Variants in DDX10 observed in about 807,000 individuals in gnomAD.
DDX10 encodes the protein DEAD-box helicase 10.
A neutral mutation model predicts 104.3 loss-of-function variants in DDX10; 74 were observed. The ratio of observed to expected loss-of-function variants is 0.71; its 90% CI spans 0.59 to 0.86. The LOEUF is 0.86. Among genes scored for constraint, DDX10 ranks in the 40% least tolerant of loss-of-function variants. DDX10 has a pLI of 0.00. For missense variants in DDX10, 952 were observed against 1,040.0 expected (o/e 0.92, Z 1.16); for synonymous variants, 351 against 353.4 (o/e 0.99, Z 0.08).
chr11:108,665,267 G>A lies in DDX10; in HGVS notation c.114G>A (p.Arg38=), dbSNP rs142359903. The A allele has an allele frequency of 7.3e-5, 118 of 1,609,782 alleles. No homozygotes were observed. In the African/African-American group the frequency reaches 1.1e-3, roughly 15 times the overall value. ...SHRQNKKKQL[R]KQLKKPEWQV... ...GGCAGAACAAAAAGAAGCAGTTGAG[G>A]AAGCAACTGAAGAAACCCGAATGGC... is the stretch of plus-strand genomic sequence containing the variant. The change falls in exon 1 of 18, where the codon AGG becomes AGA. Residue 38 remains arginine, a synonymous_variant. Transcript: ENST00000322536.
chr11:108,765,220 A>G (rs910393753), intron 13 of DDX10, among the ~76,000 whole-genome samples: 1 of 152,162 alleles, frequency 6.6e-6, no homozygotes, highest in Non-Finnish European at 1.5e-5. Context: ...CTTAAAATTG[A>G]TGGAGGTGTC....
At chr11:108,677,274 C>A (rs1304044993) in intron 4 of DDX10, 31 bp downstream of exon 4, 1 of 1,590,922 alleles carries the variant, frequency 6.3e-7, no homozygotes, top group Non-Finnish European at 8.6e-7. Flanking sequence ...CCTTCCTTTC[C>A]TTCTGTAACC....
intron 9 of DDX10, among the ~76,000 whole-genome samples, chr11:108,700,033 T>A (rs965060757): frequency 9.9e-5 from 15 of 152,202 alleles, no homozygotes; most frequent in African/African-American, 3.6e-4. Flanking sequence ...TGGTGCATCC[T>A]ATTAAAAGCC....
chr11:108,746,800 T>A (rs1016387352), intron 13 of DDX10, among the ~76,000 whole-genome samples: 1 of 152,130 alleles, frequency 6.6e-6, no homozygotes, highest in Non-Finnish European at 1.5e-5. Flanking sequence ...TCCCTGATGA[T>A]CAATAAGGGC....
At chr11:108,700,457 T>C (rs1304919980) in intron 9 of DDX10, among the ~76,000 whole-genome samples, 1 of 152,230 alleles carries the variant, frequency 6.6e-6, no homozygotes, top group African/African-American at 2.4e-5. Context: ...TTACATCTAA[T>C]GGATTACATC....
intron 16 of DDX10, among the ~76,000 whole-genome samples, chr11:108,860,400 A>G (rs993723785): frequency 2.0e-5 from 3 of 152,194 alleles, no homozygotes; most frequent in Admixed American, 6.5e-5. Context: ...ACGTCTTCCT[A>G]TACTGAAAAA....
At chr11:108,710,912 C>T (rs188789600) in intron 10 of DDX10, among the ~76,000 whole-genome samples, 16 of 152,294 alleles carry the variant, frequency 1.1e-4, no homozygotes, top group Non-Finnish European at 2.4e-4. Context: ...GAGTAGCCTG[C>T]GCCACCATGC....
intron 7 of DDX10, chr11:108,690,627 G>A (rs3824985): frequency 0.12 from 19,245 of 155,816 alleles, 1,620 homozygotes; most frequent in East Asian, 0.27. Context: ...GTAGTCCCCA[G>A]TGGCAACATG....
At chr11:108,795,161 G>A (rs942642344) in intron 13 of DDX10, among the ~76,000 whole-genome samples, 9 of 151,392 alleles carry the variant, frequency 5.9e-5, no homozygotes, top group Admixed American at 5.3e-4. Context: ...GTCTTTTTCT[G>A]GTTTTGTTCT....
chr11:108,850,721 T>A (rs895734490), intron 15 of DDX10, among the ~76,000 whole-genome samples: 2 of 152,150 alleles, frequency 1.3e-5, no homozygotes, highest in Non-Finnish European at 2.9e-5. Flanking sequence ...AAATACTATG[T>A]ACGAACCTAC....
intron 6 of DDX10, among the ~76,000 whole-genome samples, chr11:108,683,893 T>C (rs2094239035): frequency 6.6e-6 from 1 of 152,090 alleles, no homozygotes; most frequent in Non-Finnish European, 1.5e-5. Context: ...GTGGAGGTTG[T>C]GTGTACTAAA....
intron 16 of DDX10, among the ~76,000 whole-genome samples, chr11:108,858,913 A>G (rs998627451): frequency 3.3e-5 from 5 of 152,236 alleles, no homozygotes; most frequent in African/African-American, 1.2e-4. Flanking sequence ...CTGAATGCCC[A>G]TGGAAGTTGT....
intron 17 of DDX10, among the ~76,000 whole-genome samples, chr11:108,936,115 C>T (rs563245809): frequency 6.6e-6 from 1 of 152,282 alleles, no homozygotes; most frequent in Non-Finnish European, 1.5e-5. Context: ...TTTTCCCATA[C>T]ATCTGTAGAC....
chr11:108,775,800 G>A (rs1227284710), intron 13 of DDX10, among the ~76,000 whole-genome samples: 1 of 152,014 alleles, frequency 6.6e-6, no homozygotes, highest in Non-Finnish European at 1.5e-5. Context: ...CATATTTTAA[G>A]CAAGACCCTG....
chr11:108,833,424 G>A (rs537397417), intron 13 of DDX10, among the ~76,000 whole-genome samples: 29 of 152,324 alleles, frequency 1.9e-4, no homozygotes, highest in South Asian at 6.2e-4. Context: ...ATGATGCCTT[G>A]GATGGCGCTG....
chr11:108,749,078 CTCTCTCTCTA>C (rs2094335277), intron 13 of DDX10, among the ~76,000 whole-genome samples: 10 of 151,672 alleles, frequency 6.6e-5, no homozygotes, highest in Admixed American at 5.3e-4. Context: ...CTTTCTCTCT[CTCTCTCTCTA>C]TATATATATT....
At chr11:108,935,238 A>G (rs1864022064) in intron 17 of DDX10, among the ~76,000 whole-genome samples, 1 of 152,178 alleles carries the variant, frequency 6.6e-6, no homozygotes, top group African/African-American at 2.4e-5. Flanking sequence ...AGATAGTTAG[A>G]AAACAGAAAA....
intron 13 of DDX10, among the ~76,000 whole-genome samples, chr11:108,811,504 CAAATT>C (rs1389881934): frequency 2.6e-5 from 4 of 152,066 alleles, no homozygotes; most frequent in South Asian, 4.1e-4. Context: ...GAAAAGGAAA[CAAATT>C]AAAAAGTTAT....
chr11:108,781,783 G>C (rs1364594580), intron 13 of DDX10, among the ~76,000 whole-genome samples: 1 of 151,652 alleles, frequency 6.6e-6, no homozygotes, highest in Non-Finnish European at 1.5e-5. Flanking sequence ...TTGCAGTCTT[G>C]GTTTTGTTTT....
Sources: allele counts gnomAD v4.1 joint callset (sites outside exome capture counted in the v4.1 genomes callset), GRCh38; gene constraint gnomAD v4.1.1; transcripts MANE v1.5; gene names NCBI Gene and HGNC (gene_info 2026-07-23, HGNC 2026-07-21).